ITCH: variants seen among roughly 807,000 people sequenced by gnomAD.
ITCH encodes E3 ubiquitin-protein ligase Itchy homolog.
In ITCH, 28 loss-of-function variants were observed where a neutral mutation model predicts 126.8. That is an observed-to-expected ratio of 0.22 (90% confidence interval 0.16 to 0.30). The LOEUF (loss-of-function observed/expected upper bound fraction) is 0.30, where lower values mean the gene tolerates loss of function less well. ITCH is among the 10% of genes least tolerant of loss of function. The pLI is 1.00. For missense variants in ITCH, 631 were observed against 1,032.4 expected, an observed-to-expected ratio of 0.61 and a Z score of 5.33; for synonymous variants, 342 against 340.0, an observed-to-expected ratio of 1.01 and a Z score of -0.06.
At chr20:34,441,970 A>T (rs1568944973) in intron 9 of ITCH, 8 of 509,460 alleles carry the variant, frequency 1.6e-5, no homozygotes, top group Non-Finnish European at 1.4e-5. Flanking sequence ...CCTCTTCAGG[A>T]ATATGTTTTC....
At chr20:34,409,274 C>G (rs1978639350) in intron 4 of ITCH, among the ~76,000 whole-genome samples, 1 of 151,844 alleles carries the variant, frequency 6.6e-6, no homozygotes, top group South Asian at 2.1e-4. Context: ...CTCACAGCAG[C>G]CTTGAACTCC....
chr20:34,413,396 GT>G (rs1158901351), intron 5 of ITCH, among the ~76,000 whole-genome samples: 1 of 151,738 alleles, frequency 6.6e-6, no homozygotes, highest in Non-Finnish European at 1.5e-5. Flanking sequence ...CTTAAATTAT[GT>G]TTTTACTCAA....
rs542556960 is a variant in ITCH, at chr20:34,410,451, G to A, written c.212+1659G>A. On this transcript the variant is annotated intron_variant, in intron 4 of 24. Coordinates refer to ENST00000374864, the MANE Select transcript of ITCH (RefSeq NM_031483.7). ...TATCATTCGGATGTTCCTCATCTGT[G>A]TTTATTTCAACATAAATGTTTCTTA... 4.6e-5 allele frequency among the ~76,000 whole-genome samples: 7 copies of A among 151,858 alleles called. No individual in the cohort carries two copies. In the South Asian group the frequency reaches 1.0e-3, roughly 23 times the overall value.
chr20:34,392,191 G>A (rs1348720805), intron 2 of ITCH, among the ~76,000 whole-genome samples: 3 of 152,146 alleles, frequency 2.0e-5, no homozygotes, highest in Non-Finnish European at 2.9e-5. Flanking sequence ...ATAATATCTT[G>A]TGCAATATGG....
rs930733790 is a variant in ITCH, at chr20:34,370,793, G to A, written c.-22+1323G>A. 3.3e-5 allele frequency among the ~76,000 whole-genome samples: 5 copies of A among 151,922 alleles called. 1 individual carries two copies. The highest frequency in any genetic ancestry group is 7.4e-5 in the Non-Finnish European group (5 of 67,990). The stretch of plus-strand genomic sequence containing the variant: ...AGGTCAGGAGAGAAGGAAGACTACT[G>A]GGTAAGAAAAAAAAAGTAGAACATA... On this transcript the variant is annotated intron_variant, in intron 2 of 24. Transcript: ENST00000374864.
intron 7 of ITCH, among the ~76,000 whole-genome samples, 196 bp from the exon 8 acceptor site, chr20:34,438,278 A>C (rs1012523534): frequency 6.6e-6 from 1 of 152,174 alleles, no homozygotes; most frequent in African/African-American, 2.4e-5. Flanking sequence ...CTCTATCTCT[A>C]GATGAACTCT....
intron 5 of ITCH, among the ~76,000 whole-genome samples, 196 bp downstream of exon 5, chr20:34,412,835 C>A (rs1003156917): frequency 6.6e-6 from 1 of 151,828 alleles, no homozygotes; most frequent in Admixed American, 6.6e-5. Flanking sequence ...ATTTTGGATT[C>A]AGTATTTTTA....
rs551106579 is a variant in ITCH at position 34,431,474 on chromosome 20, T to C, written c.521+6949T>C. 9.2e-5 allele frequency among the ~76,000 whole-genome samples: 14 copies of C among 152,182 alleles called. No individual in the cohort carries two copies. The East Asian group carries it at 2.7e-3, about 29-fold the overall frequency. On this transcript the variant is annotated intron_variant, in intron 7 of 24. Transcript: ENST00000374864. ...AGAGTTATTCTAGATCTCCTGCATT[T>C]AGTTGATAATTTGATACTAGAGGAT...
intron 7 of ITCH, among the ~76,000 whole-genome samples, chr20:34,432,889 G>A (rs1192919797): frequency 6.6e-6 from 1 of 152,188 alleles, no homozygotes; most frequent in Non-Finnish European, 1.5e-5. Flanking sequence ...CCTGGGAGAT[G>A]GAGGTTGCAG....
chr20:34,472,481 G>A (rs1231748842), intron 16 of ITCH, among the ~76,000 whole-genome samples: 1 of 151,438 alleles, frequency 6.6e-6, no homozygotes, highest in Non-Finnish European at 1.5e-5. Flanking sequence ...ATTGTGTTAT[G>A]TAGAAGATTA....
intron 7 of ITCH, among the ~76,000 whole-genome samples, chr20:34,436,457 G>A (rs1040695618): frequency 6.6e-6 from 1 of 152,134 alleles, no homozygotes; most frequent in Non-Finnish European, 1.5e-5. Context: ...GAGGCAATAC[G>A]CAGTCTTAAA....
intron 2 of ITCH, among the ~76,000 whole-genome samples, chr20:34,393,438 A>C (rs1359401271): frequency 1.3e-5 from 2 of 152,208 alleles, no homozygotes; most frequent in Admixed American, 6.5e-5. Flanking sequence ...ATGAGTGTAG[A>C]TAGAATAGGG....
chr20:34,364,753 T>C (rs940959863), intron 1 of ITCH, among the ~76,000 whole-genome samples: 391 of 94,402 alleles, frequency 4.1e-3, no homozygotes, highest in African/African-American at 0.016. Flanking sequence ...ATCCTGGGCG[T>C]GGTGGCGCGC....
chr20:34,399,807 C>T (rs919613430), intron 3 of ITCH, among the ~76,000 whole-genome samples: 1 of 152,154 alleles, frequency 6.6e-6, no homozygotes, highest in African/African-American at 2.4e-5. Context: ...CACCCCTACA[C>T]TCCAGTGGCA....
chr20:34,412,735 T>C, intron 5 of ITCH, 96 bp downstream of exon 5: 2 of 1,055,860 alleles, frequency 1.9e-6, no homozygotes, highest in Non-Finnish European at 2.9e-6. Flanking sequence ...TGTTCTCTCA[T>C]ACTTTTAAGT....
Position 34,462,214 on chromosome 20 carries a change from T to C in ITCH, c.1417T>C (p.Ser473Pro), listed in dbSNP as rs1986597788. ...CTATATAGATCCCCGCACAGGAAAA[T>C]CTGCCCTGTAAGTTTTCTAAACATT... ...TTYIDPRTGKSALDNGPQIAY... is the reference protein window; with the variant it reads ...TTYIDPRTGKPALDNGPQIAY... The change falls in exon 14 of 25, where the codon TCT becomes CCT. Residue 473 changes from serine to proline, a missense_variant. Around this residue, in one of 4 missense-constraint regions of ITCH, gnomAD observed 390 missense variants for 731.6 expected, o/e 0.53. Coordinates refer to ENST00000374864, the MANE Select transcript of ITCH (RefSeq NM_031483.7). The C allele has an allele frequency of 6.2e-7, 1 of 1,613,662 alleles. No homozygotes were observed. The highest frequency in any genetic ancestry group is 8.5e-7 in the Non-Finnish European group (1 of 1,179,766).
In ITCH at chr20:34,445,162, A is replaced by G. The variant is rs139404441; in HGVS notation, c.966-125A>G. On this transcript the variant is annotated intron_variant, in intron 10 of 24. Transcript: ENST00000374864. ...AACATTTCTCTTAAGTTCACTTACA[A>G]ACTATTTAAAAATACATAAAAGACT... is the stretch of plus-strand genomic sequence containing the variant. 4.1e-4 allele frequency: 437 copies of G among 1,071,892 alleles called. 1 individual carries two copies. In the African/African-American group the frequency reaches 6.5e-3, roughly 16 times the overall value. The allele number at this position is 1,071,892 out of a possible 1,614,324, so 66.4% of individuals were successfully genotyped here.
At chr20:34,471,328 C>T in intron 15 of ITCH, 116 bp from the exon 16 acceptor site, 1 of 700,302 alleles carries the variant, frequency 1.4e-6, no homozygotes, top group South Asian at 1.5e-5. Flanking sequence ...AATTTATATT[C>T]ATAGTCTACT....
At chr20:34,413,286 T>A (rs1979306219) in intron 5 of ITCH, among the ~76,000 whole-genome samples, 1 of 152,206 alleles carries the variant, frequency 6.6e-6, no homozygotes, top group South Asian at 2.1e-4. Flanking sequence ...CTTGTTTTAA[T>A]TAATATATCA....
Sources: allele counts gnomAD v4.1 joint callset (sites outside exome capture counted in the v4.1 genomes callset), GRCh38; gene constraint gnomAD v4.1.1; regional missense constraint gnomAD v4.1.1; transcripts MANE v1.5; gene names NCBI Gene and HGNC (gene_info 2026-07-23, HGNC 2026-07-21).